Variants in STK31 observed in about 807,000 individuals in gnomAD.
The protein encoded by STK31 is serine/threonine-protein kinase 31.
A neutral mutation model predicts 129.7 loss-of-function variants in STK31; 89 were observed. The observed-to-expected ratio is 0.69, with a 90% CI of 0.58 to 0.82. The LOEUF (loss-of-function observed/expected upper bound fraction) is 0.82. Among genes scored for constraint, STK31 ranks in the 40% least tolerant of loss-of-function variants. STK31 has a pLI of 0.00. For missense variants in STK31, 1,187 were observed against 1,176.4 expected, an observed-to-expected ratio of 1.01 and a Z score of -0.13; for synonymous variants, 448 against 395.3, an observed-to-expected ratio of 1.13 and a Z score of -1.58.
intron 8 of STK31, among the ~76,000 whole-genome samples, chr7:23,750,030 G>A (rs1788607680): frequency 7.0e-6 from 1 of 143,116 alleles, no homozygotes; most frequent in African/African-American, 2.6e-5. Flanking sequence ...TTATTAAGAA[G>A]TACAGAGTGC....
At chr7:23,735,329 CAA>C (rs1337623746) in intron 6 of STK31, among the ~76,000 whole-genome samples, 1 of 152,088 alleles carries the variant, frequency 6.6e-6, no homozygotes, top group Non-Finnish European at 1.5e-5. Flanking sequence ...GCTGCCTGTA[CAA>C]GTATTTAGCT....
intron 10 of STK31, 121 bp from the exon 11 acceptor site, chr7:23,762,680 C>T: frequency 8.7e-7 from 1 of 1,150,420 alleles, no homozygotes; most frequent in Non-Finnish European, 1.2e-6. Context: ...GAGAAATGTC[C>T]TAAGTGCTAT....
chr7:23,774,156 C>T (rs546317954), intron 15 of STK31, among the ~76,000 whole-genome samples: 4 of 152,194 alleles, frequency 2.6e-5, no homozygotes, highest in African/African-American at 9.6e-5. Flanking sequence ...GTATATGTGC[C>T]ACATATTCTT....
intron 8 of STK31, among the ~76,000 whole-genome samples, chr7:23,749,220 T>A (rs889901116): frequency 1.3e-5 from 2 of 152,264 alleles, no homozygotes; most frequent in Non-Finnish European, 2.9e-5. Context: ...CATAATTGTT[T>A]TAAATTCATT....
In STK31 at chr7:23,788,067, A is replaced by C; in HGVS notation, c.2575A>C (p.Asn859His). Residue 859 changes from asparagine (N) to histidine (H), a missense_variant, in exon 21 of 24, where the codon AAT (asparagine) becomes CAT (histidine). Physicochemically the swap from Asn to His is moderately conservative, Grantham distance 68. Around this residue, in one of 5 missense-constraint regions of STK31, gnomAD observed 975 missense variants for 934.9 expected, o/e 1.04. Coordinates refer to ENST00000355870, the MANE Select transcript of STK31 (RefSeq NM_031414.5). ...DIIHGSLHQNNVFALNREQGI... is the reference protein window; with the variant it reads ...DIIHGSLHQNHVFALNREQGI... The stretch of plus-strand genomic sequence containing the variant: ...AATTCATGGATCACTTCATCAGAAC[A>C]ATGTATTTGCTTTAAACCGTGAACA... 3 of 1,613,230 alleles carry C rather than the reference A, an allele frequency of 1.9e-6. No homozygotes were observed. Among genetic ancestry groups the C allele is most frequent in the Non-Finnish European group, 2.5e-6 (3 of 1,179,628 alleles).
intron 11 of STK31, among the ~76,000 whole-genome samples, chr7:23,765,732 A>C (rs528662385): frequency 6.6e-6 from 1 of 151,936 alleles, no homozygotes; most frequent in African/African-American, 2.4e-5. Flanking sequence ...TTTTTAATAG[A>C]GATGGGGTTT....
At chr7:23,719,112 A>C (rs1040010499) in intron 4 of STK31, among the ~76,000 whole-genome samples, 3 of 151,660 alleles carry the variant, frequency 2.0e-5, no homozygotes, top group Non-Finnish European at 2.9e-5. Context: ...AAATTAGGTT[A>C]TTTGTCTTGA....
chr7:23,782,471 C>CAA (rs66962254), intron 16 of STK31, among the ~76,000 whole-genome samples: 5,351 of 84,170 alleles, frequency 0.064, 212 homozygotes, highest in African/African-American at 0.14. Context: ...GACCCTGTCT[C>CAA]AAAAAAAAAA....
At chr7:23,712,325 C>T (rs755639645) in intron 3 of STK31, 39 bp downstream of exon 3, 1 of 1,598,376 alleles carries the variant, frequency 6.3e-7, no homozygotes, top group African/African-American at 1.3e-5. Context: ...CTCACCTCCC[C>T]CAATCCAGTT....
chr7:23,832,108 G>A (rs918422011), intron 23 of STK31, 28 bp from the exon 24 acceptor site: 7 of 1,530,408 alleles, frequency 4.6e-6, no homozygotes, highest in Non-Finnish European at 6.3e-6. Flanking sequence ...TTGTTCCTTT[G>A]TTTTGTAACA....
intron 23 of STK31, among the ~76,000 whole-genome samples, chr7:23,822,226 A>G (rs1490586096): frequency 2.0e-5 from 3 of 152,174 alleles, no homozygotes; most frequent in Non-Finnish European, 4.4e-5. Flanking sequence ...TTCTTTGGGT[A>G]GTATGGGCAT....
At chr7:23,801,585 T>C (rs753989954) in intron 22 of STK31, among the ~76,000 whole-genome samples, 29 of 152,178 alleles carry the variant, frequency 1.9e-4, no homozygotes, top group Non-Finnish European at 4.0e-4. Flanking sequence ...TGTATCATGC[T>C]TTTAGTGTTG....
chr7:23,808,347 T>C (rs562206810), intron 22 of STK31, among the ~76,000 whole-genome samples: 2 of 151,830 alleles, frequency 1.3e-5, no homozygotes, highest in East Asian at 3.9e-4. Context: ...CTTTATTGAG[T>C]TCTTTTGACA....
intron 10 of STK31, 131 bp downstream of exon 10, chr7:23,754,605 C>A (rs561309135): frequency 3.1e-6 from 3 of 982,928 alleles, no homozygotes; most frequent in South Asian, 1.9e-5. Flanking sequence ...GGTATACATG[C>A]GCCGTGGTAG....
At chr7:23,766,215 TCCTTTACA>T (rs1757446845) in intron 11 of STK31, among the ~76,000 whole-genome samples, 1 of 152,252 alleles carries the variant, frequency 6.6e-6, no homozygotes, top group South Asian at 2.1e-4. Context: ...AGGCCATGTT[TCCTTTACA>T]CCTTTGACAA....
intron 3 of STK31, 26 bp from the exon 4 acceptor site, chr7:23,717,455 T>C (rs1396359092): frequency 1.3e-6 from 2 of 1,485,978 alleles, no homozygotes; most frequent in Admixed American, 1.7e-5. Flanking sequence ...TTTTACTGTA[T>C]CTTATACTAT....
At position 23,790,939 on chromosome 7, in the gene STK31, T is replaced by G; in HGVS notation, c.2753T>G (p.Leu918Ter). The G allele has an allele frequency of 6.4e-7, 1 of 1,559,768 alleles. No homozygotes were observed. Residue 918 changes from leucine (L) to a stop codon, truncating the protein, a stop_gained, in exon 22 of 24, where the codon TTA (leucine) becomes TGA (stop). Coordinates refer to ENST00000355870, the MANE Select transcript of STK31 (RefSeq NM_031414.5). LOFTEE classifies it high-confidence loss of function. The stretch of plus-strand genomic sequence containing the variant: ...GACTTATATGCTTATGGCTGCCTCT[T>G]ATTATGGGTATGTTATTTTTTTGTT... ...GSDLYAYGCL[L>*]LWLSVQNQEF...
chr7:23,831,418 A>G (rs560440468), intron 23 of STK31, among the ~76,000 whole-genome samples: 1 of 152,298 alleles, frequency 6.6e-6, no homozygotes, highest in East Asian at 1.9e-4. Context: ...TGATACAAGT[A>G]TAGTTACACC....
At chr7:23,759,580 A>G (rs1789326390) in intron 10 of STK31, among the ~76,000 whole-genome samples, 1 of 152,212 alleles carries the variant, frequency 6.6e-6, no homozygotes, top group Non-Finnish European at 1.5e-5. Flanking sequence ...TTATTGCCTT[A>G]TAAGAAAGGT....
Sources: gnomAD v4.1 joint callset for allele counts (sites outside exome capture counted in the v4.1 genomes callset) on GRCh38, gnomAD v4.1.1 for gene constraint, gnomAD v4.1.1 regional missense constraint, MANE v1.5 for transcripts, NCBI Gene and HGNC (gene_info 2026-07-23, HGNC 2026-07-21) for gene names.